Variants in ARHGEF40 observed in about 807,000 individuals in gnomAD.
ARHGEF40 encodes Rho guanine nucleotide exchange factor (GEF) 40.
A neutral mutation model predicts 165.9 loss-of-function variants in ARHGEF40; 98 were observed. The ratio of observed to expected loss-of-function variants is 0.59; its 90% confidence interval spans 0.50 to 0.70. The LOEUF is 0.70. Among genes scored for constraint, ARHGEF40 ranks in the 30% least tolerant of loss-of-function variants. The pLI, the probability that ARHGEF40 is intolerant of heterozygous loss-of-function variation, is 0.00. For missense variants in ARHGEF40, 1,815 were observed against 1,968.0 expected, an observed-to-expected ratio of 0.92 and a Z score of 1.47; for synonymous variants, 792 against 814.3, an observed-to-expected ratio of 0.97 and a Z score of 0.47.
In ARHGEF40 at chr14:21,074,058, G is replaced by A. The variant is rs781510287; in HGVS notation, c.328G>A (p.Val110Met). 13 of 1,614,108 alleles carry A rather than the reference G, an allele frequency of 8.1e-6. 1 individual carries two copies. The South Asian group carries it at 1.4e-4, about 18-fold the overall frequency. ...CCCAGGAGACTTCTATCTGCAGGTG[G>A]TGCCCTCAGCTGCCCAAGCACCCCG... Reference protein sequence around the residue: ...LRPGDFYLQVVPSAAQAPRLA... With the variant: ...LRPGDFYLQVMPSAAQAPRLA... The change falls in exon 3 of 24, where the codon GTG becomes ATG. Residue 110 changes from valine to methionine, a missense_variant. Transcript: ENST00000298694. This position sits in a 1 kb window ranked among gnomAD's most constrained non-coding sequence, Gnocchi z 4.8.
rs1319205562 is a variant in ARHGEF40, at chr14:21,078,145, TCCTCAACTCCATC to T, written c.2035-28_2035-16del. The T allele has an allele frequency of 2.5e-6, 4 of 1,584,960 alleles. No individual in the cohort carries two copies. In the Admixed American group the frequency reaches 7.3e-5, roughly 29 times the overall value. On this transcript the variant is annotated intron_variant, in intron 8 of 23. Transcript: ENST00000298694. ...GCTTAAGTTCCTTCTTAAACTCTGA[TCCTCAACTCCATC>T]CCTGCATGTGGGTTTCAGGAAGTGG...
Position 21,081,870 on chromosome 14 carries a change from G to A in ARHGEF40, c.3002G>A (p.Arg1001Gln), listed in dbSNP as rs780671481. The A allele has an allele frequency of 2.0e-5, 32 of 1,612,782 alleles. No individual in the cohort carries two copies. Among genetic ancestry groups the A allele is most frequent in the African/African-American group, 1.7e-4 (13 of 74,908 alleles). Residue 1001 changes from arginine (R) to glutamine (Q), a missense_variant, in exon 14 of 24, where the codon CGG becomes CAG. Coordinates refer to ENST00000298694, the MANE Select transcript of ARHGEF40 (RefSeq NM_018071.5). ...SLLLPSSPGP[R>Q]PAPSHCSLAP... ...CTGCTCCCCAGCAGCCCTGGGCCAC[G>A]GCCAGCCCCATCCCATTGCTCCCTG... is the stretch of plus-strand genomic sequence containing the variant.
At chr14:21,069,915 A>G (rs1310044204), upstream of ARHGEF40, among the ~76,000 whole-genome samples, 1 of 152,180 alleles carries the variant, frequency 6.6e-6, no homozygotes, top group Admixed American at 6.5e-5. Flanking sequence ...GGGCGGCCCA[A>G]GGGAATTCAC....
rs888844298 is a variant in ARHGEF40, at chr14:21,075,980, C to T, written c.1739+215C>T. On this transcript the variant is annotated intron_variant, in intron 5 of 23. Transcript: ENST00000298694. The surrounding 1 kb of genome is among the most constrained non-coding windows in gnomAD (Gnocchi z 4.5). ...AAAAGCAACACTGTTGACTTTCACT[C>T]TCTTCCAACCCTACCAAGATCATCA... Among the ~76,000 whole-genome samples, 2 of 152,224 alleles carry T rather than the reference C, an allele frequency of 1.3e-5. No individual in the cohort carries two copies. Among genetic ancestry groups the T allele is most frequent in the South Asian group, 2.1e-4 (1 of 4,830 alleles).
chr14:21,086,875 A>C, intron 19 of ARHGEF40, 126 bp from the exon 20 acceptor site: 9 of 717,200 alleles, frequency 1.3e-5, no homozygotes, highest in Non-Finnish European at 2.1e-5. Flanking sequence ...CATCAGAGGA[A>C]TGAAAGGGAG....
rs367600481 is a variant in ARHGEF40, at chr14:21,073,547, C to T, written c.201+305C>T. Among the ~76,000 whole-genome samples, 2 of 152,244 alleles carry T rather than the reference C, an allele frequency of 1.3e-5. No homozygotes were observed. Among genetic ancestry groups the T allele is most frequent in the South Asian group, 4.1e-4 (2 of 4,824 alleles). ...ACCCAATTCCAGACATCTTCTCCCC[C>T]TCATATGAATTTCTCAAGACACTAA... On this transcript the variant is annotated intron_variant, in intron 2 of 23. Transcript: ENST00000298694. This position sits in a 1 kb window ranked among gnomAD's most constrained non-coding sequence, Gnocchi z 4.6.
intron 16 of ARHGEF40, among the ~76,000 whole-genome samples, chr14:21,083,197 G>T (rs574033911): frequency 2.0e-5 from 3 of 152,230 alleles, no homozygotes; most frequent in Admixed American, 6.5e-5. Context: ...TCACAGGGAG[G>T]ATCTAAGCAT....
chr14:21,077,536 CA>C (rs773806139), intron 8 of ARHGEF40, among the ~76,000 whole-genome samples: 1 of 152,082 alleles, frequency 6.6e-6, no homozygotes, highest in Non-Finnish European at 1.5e-5. Flanking sequence ...CACTGAGAGT[CA>C]AAAGGCTGGT....
Position 21,070,499 on chromosome 14 carries a change from A to G in ARHGEF40, c.3+100A>G, listed in dbSNP as rs2139188202. ...CTGGTGCCTCCCGAGCCTGCCTCGG[A>G]CTGTTCGGCCCCTCTGGGACTCTCC... On this transcript the variant is annotated intron_variant, in intron 1 of 23. Transcript: ENST00000298694. The surrounding 1 kb of genome is among the most constrained non-coding windows in gnomAD (Gnocchi z 4.7). 7.5e-7 allele frequency: 1 copy of G among 1,332,512 alleles called. No homozygotes were observed. Among genetic ancestry groups the G allele is most frequent in the Non-Finnish European group, 9.7e-7 (1 of 1,029,772 alleles). The allele number at this position is 1,332,512 out of a possible 1,614,324, so 82.5% of individuals were successfully genotyped here.
chr14:21,071,384 C>T lies in ARHGEF40; in HGVS notation c.3+985C>T, dbSNP rs117893345. ...CTGCAGAGTGGAGGAGGGGGAGAGG[C>T]CTTGCCAGGGGGAGCTCACCGCAGG... is the stretch of plus-strand genomic sequence containing the variant. On this transcript the variant is annotated intron_variant, in intron 1 of 23. Coordinates refer to ENST00000298694, the MANE Select transcript of ARHGEF40 (RefSeq NM_018071.5). 5.3e-5 allele frequency among the ~76,000 whole-genome samples: 8 copies of T among 152,122 alleles called. No individual in the cohort carries two copies. The East Asian group carries it at 1.4e-3, about 26-fold the overall frequency.
In ARHGEF40 at chr14:21,077,279, A is replaced by ATTT. The variant is rs143561266; in HGVS notation, c.2034+407_2034+409dup. Among the ~76,000 whole-genome samples, 263 of 108,478 alleles carry ATTT rather than the reference A, an allele frequency of 2.4e-3. 2 individuals carry two copies. The highest frequency in any genetic ancestry group is 5.0e-3 in the African/African-American group (140 of 27,756). The allele number at this position is 108,478 out of a possible 152,430, so 71.2% of individuals were successfully genotyped here. On this transcript the variant is annotated intron_variant, in intron 8 of 23. Coordinates refer to ENST00000298694, the MANE Select transcript of ARHGEF40 (RefSeq NM_018071.5). Reference sequence around the variant, plus strand: ...GCCACCACACCCACCTAGTTTTTGTATTTTTTTTTTTTTTTTTTTTGTAGA... The same window carrying ATTT: ...GCCACCACACCCACCTAGTTTTTGTATTTTTTTTTTTTTTTTTTTTTTTGTAGA...
intron 13 of ARHGEF40, 66 bp from the exon 14 acceptor site, chr14:21,081,443 C>T (rs61978203): frequency 0.046 from 72,754 of 1,568,112 alleles, 1,967 homozygotes; most frequent in South Asian, 0.076. Context: ...TGTCACTGGG[C>T]ATCCTTCGTG....
the ARHGEF40 span, among the ~76,000 whole-genome samples, chr14:21,064,498 C>T: frequency 2.0e-5 from 3 of 152,086 alleles, no homozygotes; most frequent in African/African-American, 4.8e-5. Flanking sequence ...GACTGGGTTT[C>T]GCCATGTTGG....
chr14:21,076,354 C>G lies in ARHGEF40; in HGVS notation c.1740-6C>G. On this transcript the variant is annotated splice_region_variant and splice_polypyrimidine_tract_variant and intron_variant, in intron 5 of 23. Transcript: ENST00000298694. ...GCAGCCTCCTTGGCTCTTCCTGCTC[C>G]CGCAGGCCTGATCTACAGACACTGG... 1 of 1,612,566 alleles carries G rather than the reference C, an allele frequency of 6.2e-7. No homozygotes were observed. Among genetic ancestry groups the G allele is most frequent in the Non-Finnish European group, 8.5e-7 (1 of 1,179,630 alleles).
Position 21,074,652 on chromosome 14 carries a change from G to A in ARHGEF40, c.922G>A (p.Glu308Lys), listed in dbSNP as rs775978687. ...RGQDGARPPG[E>K]GSSTGASPES... ...CCAGGATGGAGCACGCCCACCCGGCGAGGGGAGCAGCACCGGAGCCTCCCC... is the reference window on the plus strand; with the variant it reads ...CCAGGATGGAGCACGCCCACCCGGCAAGGGGAGCAGCACCGGAGCCTCCCC... The change falls in exon 3 of 24, where the codon GAG (glutamate) becomes AAG (lysine). Residue 308 changes from glutamate (E) to lysine (K), a missense_variant. Glu to Lys is a moderately conservative substitution (Grantham distance 56). Coordinates refer to ENST00000298694, the MANE Select transcript of ARHGEF40 (RefSeq NM_018071.5). The surrounding 1 kb of genome is among the most constrained non-coding windows in gnomAD (Gnocchi z 4.8). 7 of 1,567,304 alleles carry A rather than the reference G, an allele frequency of 4.5e-6. No individual in the cohort carries two copies. Among genetic ancestry groups the A allele is most frequent in the East Asian group, 4.7e-5 (2 of 42,596 alleles).
intron 10 of ARHGEF40, 117 bp downstream of exon 10, chr14:21,078,605 A>G (rs1290454664): frequency 3.7e-6 from 4 of 1,087,770 alleles, no homozygotes; most frequent in African/African-American, 3.2e-5. Flanking sequence ...TGGGCAAGAT[A>G]CTATGCTTTT....
Position 21,074,602 on chromosome 14 carries a change from A to T in ARHGEF40, c.872A>T (p.His291Leu). 2 of 1,569,564 alleles carry T rather than the reference A, an allele frequency of 1.3e-6. No homozygotes were observed. Among genetic ancestry groups the T allele is most frequent in the South Asian group, 2.3e-5 (2 of 85,994 alleles). ...GRHRRHRAWM[H>L]QKGLGPRGQD... is the part of the protein sequence containing the mutation. ...CACCGGAGACACCGGGCGTGGATGC[A>T]CCAGAAGGGCCTGGGGCCTCGGGGC... Residue 291 changes from histidine to leucine, a missense_variant, in exon 3 of 24, where the codon CAC (histidine) becomes CTC (leucine). His to Leu is a moderately conservative substitution (Grantham distance 99, BLOSUM62 -3). Coordinates refer to ENST00000298694, the MANE Select transcript of ARHGEF40 (RefSeq NM_018071.5). This position sits in a 1 kb window ranked among gnomAD's most constrained non-coding sequence, Gnocchi z 4.8.
Position 21,074,687 on chromosome 14 carries a change from C to A in ARHGEF40, c.957C>A (p.Pro319=). 1 of 1,581,460 alleles carries A rather than the reference C, an allele frequency of 6.3e-7. No homozygotes were observed. Among genetic ancestry groups the A allele is most frequent in the East Asian group, 2.3e-5 (1 of 43,148 alleles). The change falls in exon 3 of 24, where the codon CCC becomes CCA. Residue 319 remains proline, a synonymous_variant. Transcript: ENST00000298694. This position sits in a 1 kb window ranked among gnomAD's most constrained non-coding sequence, Gnocchi z 4.8. ...GSSTGASPES[P]PGAEAVPEAA... The stretch of plus-strand genomic sequence containing the variant: ...GCACCGGAGCCTCCCCTGAGTCTCC[C>A]CCAGGAGCTGAGGCTGTCCCAGAGG...
upstream of ARHGEF40, among the ~76,000 whole-genome samples, chr14:21,067,011 C>T (rs887785269): frequency 7.2e-5 from 11 of 152,296 alleles, no homozygotes; most frequent in South Asian, 2.3e-3. Flanking sequence ...TTCATTAATT[C>T]CCCCTAACTT....
Sources: allele counts gnomAD v4.1 joint callset (sites outside exome capture counted in the v4.1 genomes callset), GRCh38; gene constraint gnomAD v4.1.1; non-coding constraint Gnocchi (gnomAD v3.1); transcripts MANE v1.5; gene names NCBI Gene and HGNC (gene_info 2026-07-23, HGNC 2026-07-21).